The following ADNP variants were observed in gnomAD, a reference collection of about 807,000 sequenced individuals.
ADNP encodes the protein activity-dependent neuroprotector homeobox protein.
ADNP carries 4 observed loss-of-function variants against 84.9 expected under a neutral mutation model. The ratio of observed to expected loss-of-function variants is 0.05; its 90% CI spans 0.02 to 0.11. ADNP has a LOEUF of 0.11. Ranked by LOEUF, ADNP falls within the 10% of genes least tolerant of loss-of-function variation. The pLI, the probability that ADNP is intolerant of heterozygous loss-of-function variation, is 1.00. For synonymous variants in ADNP, 554 were observed against 468.1 expected, an observed-to-expected ratio of 1.18 and a Z score of -2.37; for missense variants, 1,132 against 1,326.0, an observed-to-expected ratio of 0.85 and a Z score of 2.27.
Position 50,889,308 on chromosome 20 carries a change from G to C in ADNP, c.*2097C>G, listed in dbSNP as rs1339063233. ...CTCAGAAGCCTGTTAATCAGGGAGG[G>C]TAATTTCCAAATAAATGTGAGCTGG... On this transcript the variant is annotated 3_prime_UTR_variant, in exon 6 of 6. Coordinates refer to ENST00000621696, the MANE Select transcript of ADNP (RefSeq NM_001282531.3). 1 of 152,158 alleles carries C rather than the reference G, an allele frequency of 6.6e-6. No individual in the cohort carries two copies. Among genetic ancestry groups the C allele is most frequent in the Non-Finnish European group, 1.5e-5 (1 of 68,014 alleles). 9.4% of individuals were successfully genotyped at this position (152,158 alleles called of 1,614,324 possible).
chr20:50,903,663 CA>C (rs1428746771), intron 4 of ADNP, among the ~76,000 whole-genome samples: 3 of 152,208 alleles, frequency 2.0e-5, no homozygotes, highest in Non-Finnish European at 2.9e-5. Context: ...CAACGCCTGA[CA>C]TGCTTAAGTC....
At position 50,893,977 on chromosome 20, in the gene ADNP, C is replaced by G. The variant is rs1369063989; in HGVS notation, c.737G>C (p.Arg246Pro). The change falls in exon 6 of 6, where the codon CGT (arginine) becomes CCT (proline). Residue 246 changes from arginine (R) to proline (P), a missense_variant. By Grantham distance (103) the Arg-to-Pro change is moderately radical. Transcript: ENST00000621696. This position sits in a 1 kb window ranked among gnomAD's most constrained non-coding sequence, Gnocchi z 4.4. Reference protein sequence around the residue: ...LVQHVIEDHERIGYQVTAMIG... With the variant: ...LVQHVIEDHEPIGYQVTAMIG... ...CATGGCAGTGACCTGATAGCCTATA[C>G]GTTCATGGTCTTCGATGACATGCTG... is the stretch of plus-strand genomic sequence containing the variant. 6.2e-7 allele frequency: 1 copy of G among 1,614,144 alleles called. No homozygotes were observed. The highest frequency in any genetic ancestry group is 8.5e-7 in the Non-Finnish European group (1 of 1,180,026).
chr20:50,913,666 C>T (rs567289266), intron 2 of ADNP: 7 of 252,010 alleles, frequency 2.8e-5, no homozygotes, highest in African/African-American at 4.5e-5. Flanking sequence ...TCTGTGGAAA[C>T]ATTTAGTACC....
In ADNP at chr20:50,891,979, A is replaced by G. The variant is rs1325723301; in HGVS notation, c.2735T>C (p.Val912Ala). The change falls in exon 6 of 6, where the codon GTA becomes GCA. Residue 912 changes from valine to alanine, a missense_variant. Physicochemically the swap from Val to Ala is moderately conservative, Grantham distance 64. Around this residue, in one of 10 missense-constraint regions of ADNP, gnomAD observed 381 missense variants for 319.9 expected, o/e 1.19. Coordinates refer to ENST00000621696, the MANE Select transcript of ADNP (RefSeq NM_001282531.3). ...AGCATCCTCAGGAATTACCTTCAGT[A>G]CATGTTCCTCTGGGTTATCGTTAGA... ...KISNDNPEEH[V>A]LKVIPEDASE... The G allele has an allele frequency of 3.1e-6, 5 of 1,614,090 alleles. No individual in the cohort carries two copies. The highest frequency in any genetic ancestry group is 1.7e-5 in the Admixed American group (1 of 59,996).
intron 5 of ADNP, among the ~76,000 whole-genome samples, chr20:50,899,195 AG>A (rs1981712712): frequency 7.1e-6 from 1 of 140,636 alleles, no homozygotes. Context: ...TTTGGTAATG[AG>A]GTTTTTTTTT....
chr20:50,917,680 C>G (rs1983619580), intron 2 of ADNP, among the ~76,000 whole-genome samples: 1 of 152,162 alleles, frequency 6.6e-6, no homozygotes, highest in African/African-American at 2.4e-5. Flanking sequence ...AGGCTCCAGT[C>G]AAACTGGGAG....
intron 5 of ADNP, among the ~76,000 whole-genome samples, chr20:50,901,352 A>G: frequency 6.9e-6 from 1 of 145,492 alleles, no homozygotes; most frequent in African/African-American, 2.5e-5. Flanking sequence ...AAAAAAGTCA[A>G]ATATCTGAGT....
chr20:50,928,135 A>G (rs1308426879), intron 2 of ADNP, among the ~76,000 whole-genome samples: 2 of 152,214 alleles, frequency 1.3e-5, no homozygotes, highest in Non-Finnish European at 2.9e-5. Flanking sequence ...CAATTCTCCA[A>G]TGAAAAATTC....
intron 5 of ADNP, 81 bp downstream of exon 5, chr20:50,901,936 G>T: frequency 2.9e-6 from 3 of 1,049,636 alleles, no homozygotes; most frequent in Non-Finnish European, 4.5e-6. Flanking sequence ...CGCAATCACT[G>T]CACCGCTATA....
At chr20:50,909,583 T>C (rs1424726963) in intron 2 of ADNP, 1 of 152,138 alleles carries the variant, frequency 6.6e-6, no homozygotes, top group Non-Finnish European at 1.5e-5. Context: ...GAGAGATGAG[T>C]AAGACATGGT....
rs1392458240 is a variant in ADNP at position 50,893,388 on chromosome 20, TGAG to T, written c.1323_1325del (p.Ser442del). The T allele has an allele frequency of 1.8e-5, 29 of 1,614,200 alleles. No individual in the cohort carries two copies. The highest frequency in any genetic ancestry group is 2.4e-5 in the Non-Finnish European group (28 of 1,180,032). The stretch of plus-strand genomic sequence containing the variant: ...TTGTACATATTTTCCACTTTTGAGT[TGAG>T]GAAGTGTTACCTGGGGGAGGGCCTG... On this transcript the variant is annotated inframe_deletion, in exon 6 of 6. Coordinates refer to ENST00000621696, the MANE Select transcript of ADNP (RefSeq NM_001282531.3). This position sits in a 1 kb window ranked among gnomAD's most constrained non-coding sequence, Gnocchi z 4.4.
chr20:50,916,695 T>A (rs1412120146), intron 2 of ADNP, among the ~76,000 whole-genome samples: 1 of 152,198 alleles, frequency 6.6e-6, no homozygotes, highest in African/African-American at 2.4e-5. Flanking sequence ...ACTTCATACA[T>A]ATGACATAAA....
chr20:50,930,271 A>C (rs929398766), intron 1 of ADNP, among the ~76,000 whole-genome samples: 4 of 152,136 alleles, frequency 2.6e-5, no homozygotes, highest in Non-Finnish European at 4.4e-5. Flanking sequence ...TGGTCAGGAT[A>C]AGAGGAAAGC....
rs565275047 is a variant in ADNP at position 50,890,465 on chromosome 20, C to T, written c.*940G>A. On this transcript the variant is annotated 3_prime_UTR_variant, in exon 6 of 6. Transcript: ENST00000621696. ...CATATATTAGATGGTATAAATGAAT[C>T]CACCATGATGGTGTTGAACTAAAGA... is the stretch of plus-strand genomic sequence containing the variant. The T allele has an allele frequency of 6.6e-6, 1 of 152,614 alleles. No individual in the cohort carries two copies. Among genetic ancestry groups the T allele is most frequent in the Non-Finnish European group, 1.5e-5 (1 of 68,016 alleles). The allele number at this position is 152,614 out of a possible 1,614,324, so 9.5% of individuals were successfully genotyped here. A position where few individuals can be genotyped will look rare whatever the true frequency, so the allele number is the denominator to read the frequency against.
At chr20:50,923,819 CTT>C (rs1984116799) in intron 2 of ADNP, among the ~76,000 whole-genome samples, 1 of 152,182 alleles carries the variant, frequency 6.6e-6, no homozygotes, top group African/African-American at 2.4e-5. Context: ...CACCCATCCT[CTT>C]GTTGCTGTTT....
chr20:50,909,354 A>T (rs1024268409), intron 2 of ADNP: 3 of 130,980 alleles, frequency 2.3e-5, no homozygotes, highest in African/African-American at 6.1e-5. Flanking sequence ...GACAAGAGTA[A>T]AACTGTCTCA....
At chr20:50,924,851 TTAG>T (rs1340130914) in intron 2 of ADNP, among the ~76,000 whole-genome samples, 1 of 152,266 alleles carries the variant, frequency 6.6e-6, no homozygotes, top group African/African-American at 2.4e-5. Context: ...CATGACTCTT[TTAG>T]ATTACGTGTA....
chr20:50,903,965 C>A lies in ADNP; in HGVS notation c.32G>T (p.Ser11Ile). The change falls in exon 4 of 6, where the codon AGT becomes ATT. Residue 11 changes from serine (S) to isoleucine (I), a missense_variant. Physicochemically the swap from Ser to Ile is moderately radical, Grantham distance 142. Transcript: ENST00000621696. ...CACAGTTTTCCGGGCTTTTCTTAAA[C>A]TGCCAAGATTGTTGACAGGAAGTTG... MFQLPVNNLG[S>I]LRKARKTVKK... 6.2e-7 allele frequency: 1 copy of A among 1,613,876 alleles called. No homozygotes were observed. The highest frequency in any genetic ancestry group is 8.5e-7 in the Non-Finnish European group (1 of 1,179,962).
At chr20:50,906,342 G>A (rs1982475091) in intron 2 of ADNP, among the ~76,000 whole-genome samples, 1 of 152,204 alleles carries the variant, frequency 6.6e-6, no homozygotes, top group Non-Finnish European at 1.5e-5. Flanking sequence ...GTATTAAAAT[G>A]GATGCCCACA....
Sources: allele counts gnomAD v4.1 joint callset (sites outside exome capture counted in the v4.1 genomes callset), GRCh38; gene constraint gnomAD v4.1.1; regional missense constraint gnomAD v4.1.1; non-coding constraint Gnocchi (gnomAD v3.1); transcripts MANE v1.5; gene names NCBI Gene and HGNC (gene_info 2026-07-23, HGNC 2026-07-21).